IQCB1: variants seen among roughly 807,000 people sequenced by gnomAD.
IQCB1 encodes IQ motif containing B1, also known as IQ calmodulin-binding motif-containing protein 1.
IQCB1 carries 56 observed loss-of-function variants against 84.4 expected under a neutral mutation model. The observed-to-expected ratio is 0.66, with a 90% confidence interval of 0.54 to 0.83. The LOEUF (loss-of-function observed/expected upper bound fraction) is 0.83. Among genes scored for constraint, IQCB1 ranks in the 40% least tolerant of loss-of-function variants. The pLI, the probability that IQCB1 is intolerant of heterozygous loss-of-function variation, is 0.00. For missense variants in IQCB1, 629 were observed against 682.1 expected, an observed-to-expected ratio of 0.92 and a Z score of 0.87; for synonymous variants, 210 against 234.8, an observed-to-expected ratio of 0.89 and a Z score of 0.96.
intron 7 of IQCB1, among the ~76,000 whole-genome samples, chr3:121,803,385 G>A (rs572721420): frequency 5.9e-5 from 9 of 152,018 alleles, no homozygotes; most frequent in African/African-American, 9.7e-5. Context: ...TTTATGGCTC[G>A]GAATATGCAC....
chr3:121,797,080 C>T (rs755521134), intron 9 of IQCB1, 38 bp downstream of exon 9: 8 of 1,054,498 alleles, frequency 7.6e-6, no homozygotes, highest in African/African-American at 6.3e-5. Flanking sequence ...ATATAGTCAG[C>T]AAATATCATG....
chr3:121,812,672 A>T (rs780619063), intron 5 of IQCB1, among the ~76,000 whole-genome samples: 1 of 152,214 alleles, frequency 6.6e-6, no homozygotes, highest in Non-Finnish European at 1.5e-5. Context: ...AGGATATAAG[A>T]GAATGAAGAT....
chr3:121,815,350 C>T (rs1950010853), intron 5 of IQCB1, among the ~76,000 whole-genome samples: 1 of 152,142 alleles, frequency 6.6e-6, no homozygotes, highest in Non-Finnish European at 1.5e-5. Context: ...AAAACCAGCA[C>T]AAGACAAAGA....
chr3:121,799,782 T>C (rs1270283042), intron 7 of IQCB1, among the ~76,000 whole-genome samples: 2 of 151,914 alleles, frequency 1.3e-5, no homozygotes, highest in Non-Finnish European at 2.9e-5. Context: ...AAAAATGCCA[T>C]AGGAATTCTA....
At chr3:121,829,769 T>C (rs374332043) in intron 2 of IQCB1, among the ~76,000 whole-genome samples, 2 of 152,250 alleles carry the variant, frequency 1.3e-5, no homozygotes, top group African/African-American at 4.8e-5. Context: ...TTTGCTTTAT[T>C]TCCCTTCACT....
At chr3:121,818,928 T>C (rs958436392) in intron 5 of IQCB1, among the ~76,000 whole-genome samples, 1 of 151,968 alleles carries the variant, frequency 6.6e-6, no homozygotes, top group Non-Finnish European at 1.5e-5. Context: ...CAGCAACTTT[T>C]AAAAGCGCCT....
At chr3:121,788,519 G>T in intron 11 of IQCB1, 87 bp from the exon 12 acceptor site, 2 of 1,221,574 alleles carry the variant, frequency 1.6e-6, no homozygotes, top group South Asian at 1.2e-5. Context: ...TAATAATCTT[G>T]CATTCTTTTT....
At chr3:121,827,791 AAAG>A (rs1294854835) in intron 4 of IQCB1, among the ~76,000 whole-genome samples, 2 of 152,254 alleles carry the variant, frequency 1.3e-5, no homozygotes, top group East Asian at 1.9e-4. Flanking sequence ...AAAAACAAAA[AAAG>A]AAGGCTAGGA....
intron 5 of IQCB1, among the ~76,000 whole-genome samples, chr3:121,813,989 C>T (rs187014158): frequency 2.6e-4 from 39 of 152,276 alleles, no homozygotes; most frequent in African/African-American, 7.9e-4. Flanking sequence ...AGCACCACAT[C>T]GCACTTATTC....
intron 5 of IQCB1, among the ~76,000 whole-genome samples, chr3:121,818,432 C>T (rs896557107): frequency 1.3e-5 from 2 of 152,146 alleles, no homozygotes; most frequent in East Asian, 1.9e-4. Flanking sequence ...CTACATTCCC[C>T]ATATGGAGCT....
At chr3:121,811,417 A>C (rs983428699) in intron 5 of IQCB1, among the ~76,000 whole-genome samples, 25 of 152,128 alleles carry the variant, frequency 1.6e-4, no homozygotes, top group African/African-American at 6.0e-4. Context: ...AGCAAGACAG[A>C]CTGTTCACTC....
Position 121,770,220 on chromosome 3 carries a change from C to A in IQCB1, c.*125G>T. ...ATATAACTCTTTGCTTACTGCAGGTCTTGTCTGGAGGAGAACCTCTGGAAA... is the reference window on the plus strand; with the variant it reads ...ATATAACTCTTTGCTTACTGCAGGTATTGTCTGGAGGAGAACCTCTGGAAA... On this transcript the variant is annotated 3_prime_UTR_variant, in exon 15 of 15. Coordinates refer to ENST00000310864, the MANE Select transcript of IQCB1 (RefSeq NM_001023570.4). 1 of 681,702 alleles carries A rather than the reference C, an allele frequency of 1.5e-6. No individual in the cohort carries two copies. Among genetic ancestry groups the A allele is most frequent in the Non-Finnish European group, 2.6e-6 (1 of 384,318 alleles). 42.2% of individuals were successfully genotyped at this position (681,702 alleles called of 1,614,324 possible).
At chr3:121,819,756 A>G (rs6802523) in intron 5 of IQCB1, among the ~76,000 whole-genome samples, 151,571 of 152,238 alleles carry the variant, frequency 1, 75,457 homozygotes, top group East Asian at 1. Context: ...TAGTGTTGCC[A>G]TCCAATAGAA....
chr3:121,770,269 T>C lies in IQCB1; in HGVS notation c.*76A>G. The stretch of plus-strand genomic sequence containing the variant: ...AAATAATAAGTTAGGATGGCCCTAG[T>C]CTACCAGCATGCCAGAGGCAGAACC... On this transcript the variant is annotated 3_prime_UTR_variant, in exon 15 of 15. Transcript: ENST00000310864. 5.1e-6 allele frequency: 5 copies of C among 979,394 alleles called. No homozygotes were observed. Among genetic ancestry groups the C allele is most frequent in the Admixed American group, 1.8e-5 (1 of 54,598 alleles). The allele number at this position is 979,394 out of a possible 1,614,324, so 60.7% of individuals were successfully genotyped here.
At position 121,797,236 on chromosome 3, in the gene IQCB1, G is replaced by T. The variant is rs758067297; in HGVS notation, c.767-9C>A. On this transcript the variant is annotated splice_polypyrimidine_tract_variant and intron_variant, in intron 8 of 14. Coordinates refer to ENST00000310864, the MANE Select transcript of IQCB1 (RefSeq NM_001023570.4). ...TAGTAGACGTCTGAGTCCTGAAATGGAATAGCAAAAGGTACAACTATTATT... is the reference window on the plus strand; with the variant it reads ...TAGTAGACGTCTGAGTCCTGAAATGTAATAGCAAAAGGTACAACTATTATT... 7 of 1,287,396 alleles carry T rather than the reference G, an allele frequency of 5.4e-6. No individual in the cohort carries two copies. Among genetic ancestry groups the T allele is most frequent in the Non-Finnish European group, 6.8e-6 (6 of 885,494 alleles). The allele number at this position is 1,287,396 out of a possible 1,614,324, so 79.7% of individuals were successfully genotyped here.
chr3:121,812,218 T>TAACATC (rs1949857011), intron 5 of IQCB1, among the ~76,000 whole-genome samples: 1 of 151,892 alleles, frequency 6.6e-6, no homozygotes, highest in African/African-American at 2.4e-5. Flanking sequence ...CAGAAAGCAA[T>TAACATC]AACATCAACA....
At chr3:121,778,102 C>T (rs1041948937) in intron 13 of IQCB1, among the ~76,000 whole-genome samples, 3 of 151,992 alleles carry the variant, frequency 2.0e-5, no homozygotes, top group Non-Finnish European at 4.4e-5. Context: ...GAGACCAGGT[C>T]TCACCATGTT....
chr3:121,821,018 T>A (rs1410589357), intron 5 of IQCB1, among the ~76,000 whole-genome samples: 1 of 151,858 alleles, frequency 6.6e-6, no homozygotes, highest in African/African-American at 2.4e-5. Context: ...AGAGATAGGA[T>A]CTTGCTCTGT....
intron 12 of IQCB1, 81 bp from the exon 13 acceptor site, chr3:121,781,955 G>A: frequency 7.4e-7 from 1 of 1,356,616 alleles, no homozygotes; most frequent in Non-Finnish European, 1.0e-6. Context: ...ATATGGTAGT[G>A]ATCACATTGC....
Sources: gnomAD v4.1 joint callset for allele counts (sites outside exome capture counted in the v4.1 genomes callset) on GRCh38, gnomAD v4.1.1 for gene constraint, MANE v1.5 for transcripts, NCBI Gene and HGNC (gene_info 2026-07-23, HGNC 2026-07-21) for gene names.